SPRY3: variants seen among roughly 807,000 people sequenced by gnomAD.
The protein encoded by SPRY3 is sprouty RTK signaling antagonist 3.
A neutral mutation model predicts 20.2 loss-of-function variants in SPRY3; 15 were observed. The ratio of observed to expected loss-of-function variants is 0.74; its 90% CI spans 0.50 to 1.14. SPRY3 has a LOEUF of 1.14. Ranked by LOEUF, SPRY3 falls within the 50% of genes most tolerant of loss-of-function variation. The pLI is 0.00. For synonymous variants in SPRY3, 143 were observed against 136.5 expected, an observed-to-expected ratio of 1.05 and a Z score of -0.33; for missense variants, 364 against 363.9, an observed-to-expected ratio of 1.00 and a Z score of 0.00.
chrX:155,748,669 C>T (rs1209693243), intron 2 of SPRY3, among the ~76,000 whole-genome samples: 3 of 151,678 alleles, frequency 2.0e-5, no homozygotes, highest in African/African-American at 7.3e-5. Flanking sequence ...GGAATCAGGG[C>T]CAAAGAACAG....
At chrX:155,759,715 A>G (rs1440496548) in intron 2 of SPRY3, among the ~76,000 whole-genome samples, 1 of 152,202 alleles carries the variant, frequency 6.6e-6, no homozygotes, top group Non-Finnish European at 1.5e-5. Flanking sequence ...TTATATTACC[A>G]TATGATGACG....
exon 2 of SPRY3, chrX:155,781,976 T>A (rs1231800217): frequency 6.0e-6 from 1 of 166,958 alleles, no homozygotes; most frequent in Non-Finnish European, 1.5e-5. Flanking sequence ...TCAAGAGGAA[T>A]ATAAAAGCAG....
chrX:155,754,959 C>A (rs2091278059), intron 2 of SPRY3, among the ~76,000 whole-genome samples: 2 of 134,578 alleles, frequency 1.5e-5, no homozygotes, highest in South Asian at 2.8e-4. Flanking sequence ...TGTAGCTGAA[C>A]TTGTGTGTGT....
chrX:155,739,698 C>A (rs995994551), intron 2 of SPRY3, among the ~76,000 whole-genome samples: 1 of 152,056 alleles, frequency 6.6e-6, no homozygotes, highest in African/African-American at 2.4e-5. Flanking sequence ...CTGGAGTGGA[C>A]CCCCAGCAAA....
chrX:155,717,009 T>G (rs1185054350), intron 2 of SPRY3, among the ~76,000 whole-genome samples: 2 of 126,704 alleles, frequency 1.6e-5, no homozygotes, highest in East Asian at 2.3e-4. Flanking sequence ...TATATATATA[T>G]ATAGCTGGGC....
intron 2 of SPRY3, among the ~76,000 whole-genome samples, chrX:155,684,658 C>T (rs932816926): frequency 1.8e-5 from 2 of 111,620 alleles, no homozygotes; most frequent in African/African-American, 6.5e-5. Context: ...TTGTAAGGAA[C>T]TCAAGAGGAG....
chrX:155,642,991 A>G (rs2067946815), intron 1 of SPRY3, among the ~76,000 whole-genome samples: 1 of 111,889 alleles, frequency 8.9e-6, no homozygotes, highest in Admixed American at 9.5e-5. Flanking sequence ...TATTAGGTCC[A>G]TTTGGTCTAT....
At chrX:155,781,986 G>C (rs984688971) in exon 2 of SPRY3, 2 of 167,000 alleles carry the variant, frequency 1.2e-5, no homozygotes, top group Non-Finnish European at 2.9e-5. Flanking sequence ...TATAAAAGCA[G>C]TGGGATATCT....
downstream of SPRY3, chrX:155,777,793 C>G (rs1024222515): frequency 6.0e-6 from 1 of 166,132 alleles, no homozygotes; most frequent in East Asian, 2.0e-4. Context: ...GAGGGTGTTT[C>G]CTGCTTAGCA....
chrX:155,732,495 G>T (rs546534876), intron 2 of SPRY3, among the ~76,000 whole-genome samples: 2 of 152,040 alleles, frequency 1.3e-5, no homozygotes, highest in South Asian at 2.1e-4. Flanking sequence ...CAAAAGACAA[G>T]CAATAAGAAA....
At chrX:155,764,647 A>G (rs2091317377) in intron 2 of SPRY3, among the ~76,000 whole-genome samples, 1 of 152,130 alleles carries the variant, frequency 6.6e-6, no homozygotes, top group African/African-American at 2.4e-5. Context: ...TCACTGTCTA[A>G]ATTGGGAGAC....
chrX:155,732,485 CA>C (rs892518660), intron 2 of SPRY3, among the ~76,000 whole-genome samples: 4 of 151,804 alleles, frequency 2.6e-5, no homozygotes, highest in Non-Finnish European at 5.9e-5. Context: ...TGATTTTATC[CA>C]AAAGACAAGC....
intron 2 of SPRY3, among the ~76,000 whole-genome samples, chrX:155,758,177 A>C (rs1010913782): frequency 1.3e-5 from 2 of 152,208 alleles, no homozygotes; most frequent in African/African-American, 2.4e-5. Context: ...AACCTACTAC[A>C]TGGCATACCA....
At chrX:155,719,398 C>T (rs1352527855) in intron 2 of SPRY3, among the ~76,000 whole-genome samples, 1 of 152,098 alleles carries the variant, frequency 6.6e-6, no homozygotes, top group Non-Finnish European at 1.5e-5. Flanking sequence ...GCCACAAGGA[C>T]AGCAACCTCT....
At chrX:155,616,864 C>T (rs781882660) in intron 1 of SPRY3, among the ~76,000 whole-genome samples, 34 of 110,492 alleles carry the variant, frequency 3.1e-4, no homozygotes, top group African/African-American at 1.1e-3. Context: ...TTATTAGTAC[C>T]CATGTTAATA....
At chrX:155,768,966 G>A (rs1042925901) in intron 3 of SPRY3, among the ~76,000 whole-genome samples, 5 of 152,132 alleles carry the variant, frequency 3.3e-5, no homozygotes, top group Admixed American at 6.5e-5. Context: ...TGCTTTTCTG[G>A]TAATATTAAA....
chrX:155,689,702 C>G (rs2068097917), intron 2 of SPRY3, among the ~76,000 whole-genome samples: 1 of 85,039 alleles, frequency 1.2e-5, no homozygotes, highest in South Asian at 5.0e-4. Flanking sequence ...TTTAGATCTT[C>G]TCTCCTTTTT....
At chrX:155,768,435 A>C (rs1462528667) in intron 3 of SPRY3, among the ~76,000 whole-genome samples, 1 of 152,064 alleles carries the variant, frequency 6.6e-6, no homozygotes, top group African/African-American at 2.4e-5. Flanking sequence ...CTTTAAATGC[A>C]TTTTGGTACT....
At chrX:155,745,495 C>T (rs946620677) in intron 2 of SPRY3, among the ~76,000 whole-genome samples, 2 of 152,002 alleles carry the variant, frequency 1.3e-5, no homozygotes, top group Non-Finnish European at 2.9e-5. Context: ...CCTGTGAGAG[C>T]AGCAGGTAGA....
Sources: allele counts gnomAD v4.1 joint callset (sites outside exome capture counted in the v4.1 genomes callset), GRCh38; gene constraint gnomAD v4.1.1; transcripts MANE v1.5; gene names NCBI Gene and HGNC (gene_info 2026-07-23, HGNC 2026-07-21).